Variants in MDGA2 observed in about 807,000 individuals in gnomAD.
The protein encoded by MDGA2 is MAM domain containing glycosylphosphatidylinositol anchor 2, also known as MAM domain-containing glycosylphosphatidylinositol anchor protein 2.
MDGA2 carries 40 observed loss-of-function variants against 117.8 expected under a neutral mutation model. That is an observed-to-expected ratio of 0.34 (90% CI 0.26 to 0.44). The LOEUF is 0.44. MDGA2 is among the 20% of genes least tolerant of loss of function. MDGA2 has a pLI of 1.00. For missense variants in MDGA2, 1,123 were observed against 1,250.6 expected, an observed-to-expected ratio of 0.90 and a Z score of 1.54; for synonymous variants, 452 against 439.0, an observed-to-expected ratio of 1.03 and a Z score of -0.37.
chr14:47,527,288 A>G (rs1204297989), intron 1 of MDGA2, among the ~76,000 whole-genome samples: 3 of 152,236 alleles, frequency 2.0e-5, no homozygotes, highest in African/African-American at 7.2e-5. Context: ...AAACTATAAA[A>G]AGAAACTAGA....
At chr14:47,585,966 A>C (rs773274443) in intron 1 of MDGA2, among the ~76,000 whole-genome samples, 8 of 151,918 alleles carry the variant, frequency 5.3e-5, no homozygotes, top group Non-Finnish European at 8.8e-5. Flanking sequence ...CAATTATTGC[A>C]GATGGGAGGA....
intron 3 of MDGA2, among the ~76,000 whole-genome samples, chr14:47,191,342 A>C (rs1885105710): frequency 6.6e-6 from 1 of 150,958 alleles, no homozygotes; most frequent in Non-Finnish European, 1.5e-5. Flanking sequence ...TCATTTTAAG[A>C]AAGCAAAAAT....
intron 14 of MDGA2, among the ~76,000 whole-genome samples, chr14:46,872,264 A>T (rs1324354815): frequency 6.6e-6 from 1 of 151,970 alleles, no homozygotes; most frequent in Non-Finnish European, 1.5e-5. Context: ...TTTACATCAC[A>T]TATATTTATA....
At chr14:47,368,263 C>A (rs1293396558) in intron 1 of MDGA2, among the ~76,000 whole-genome samples, 19 of 151,908 alleles carry the variant, frequency 1.3e-4, no homozygotes, top group Admixed American at 1.2e-3. Context: ...GCCTGGGCAA[C>A]AGAACCAAAC....
At chr14:47,632,472 T>A (rs977563935) in intron 1 of MDGA2, among the ~76,000 whole-genome samples, 3 of 152,174 alleles carry the variant, frequency 2.0e-5, no homozygotes, top group African/African-American at 7.2e-5. Context: ...TCTACTCCAA[T>A]ACACAAATGG....
At chr14:47,625,212 TG>T (rs1267806439) in intron 1 of MDGA2, among the ~76,000 whole-genome samples, 6 of 152,276 alleles carry the variant, frequency 3.9e-5, no homozygotes, top group Admixed American at 2.0e-4. Flanking sequence ...TTTAGCATAC[TG>T]TAAGGGCCTC....
Position 47,476,823 on chromosome 14 carries a change from G to A in MDGA2, c.281-175273C>T, listed in dbSNP as rs150566418. 1.4e-4 allele frequency among the ~76,000 whole-genome samples: 21 copies of A among 152,268 alleles called. No homozygotes were observed. In the East Asian group the frequency reaches 3.5e-3, roughly 25 times the overall value. On this transcript the variant is annotated intron_variant, in intron 1 of 16. Transcript: ENST00000399232. ...ACTGAAAGCCAGTTCTGACATCAAC[G>A]ATCTTCTAAATCTCTTTAATATTCA...
intron 7 of MDGA2, among the ~76,000 whole-genome samples, chr14:47,059,589 G>C (rs1217590362): frequency 6.6e-6 from 1 of 151,968 alleles, no homozygotes; most frequent in Admixed American, 6.6e-5. Flanking sequence ...GGCTCGTTTT[G>C]TGAGCCCTGT....
At chr14:46,932,273 C>G (rs1404943940) in intron 9 of MDGA2, among the ~76,000 whole-genome samples, 3 of 151,770 alleles carry the variant, frequency 2.0e-5, no homozygotes, top group Admixed American at 1.3e-4. Flanking sequence ...AAAGGAAGAT[C>G]TTTAGACTTG....
intron 8 of MDGA2, among the ~76,000 whole-genome samples, chr14:46,960,161 T>C (rs1885738128): frequency 6.6e-6 from 1 of 151,894 alleles, no homozygotes; most frequent in Non-Finnish European, 1.5e-5. Flanking sequence ...GCAGAGGTTG[T>C]GGTGAGCCGA....
At chr14:47,399,879 A>G (rs1355353570) in intron 1 of MDGA2, among the ~76,000 whole-genome samples, 1 of 152,188 alleles carries the variant, frequency 6.6e-6, no homozygotes, top group African/African-American at 2.4e-5. Flanking sequence ...ATGTGGTCAG[A>G]GAAGGTATCT....
intron 9 of MDGA2, among the ~76,000 whole-genome samples, chr14:46,921,206 A>AT (rs910586705): frequency 1.3e-5 from 2 of 152,154 alleles, no homozygotes; most frequent in South Asian, 2.1e-4. Flanking sequence ...AATTAATTAC[A>AT]TTTTTTTTCC....
intron 9 of MDGA2, among the ~76,000 whole-genome samples, chr14:46,940,504 T>G (rs999017027): frequency 6.6e-6 from 1 of 151,636 alleles, no homozygotes; most frequent in Admixed American, 6.6e-5. Flanking sequence ...GGCGGGCGCC[T>G]GTAATCCCAG....
intron 1 of MDGA2, among the ~76,000 whole-genome samples, chr14:47,474,290 T>C (rs1893790076): frequency 6.6e-6 from 1 of 152,116 alleles, no homozygotes; most frequent in South Asian, 2.1e-4. Context: ...CTGAAGGACA[T>C]CTTCAAGAAG....
intron 1 of MDGA2, among the ~76,000 whole-genome samples, chr14:47,332,071 C>T (rs1890308738): frequency 6.6e-6 from 1 of 152,000 alleles, no homozygotes; most frequent in African/African-American, 2.4e-5. Context: ...TGTCTATGCA[C>T]ACAAAATAAT....
intron 1 of MDGA2, among the ~76,000 whole-genome samples, chr14:47,571,442 G>A (rs1241860331): frequency 6.6e-6 from 1 of 152,122 alleles, no homozygotes; most frequent in East Asian, 1.9e-4. Flanking sequence ...CTACTATAAA[G>A]TCACATGCAC....
intron 1 of MDGA2, among the ~76,000 whole-genome samples, chr14:47,401,455 C>T (rs1192338348): frequency 6.6e-6 from 1 of 152,086 alleles, no homozygotes; most frequent in Admixed American, 6.5e-5. Flanking sequence ...GATAATGTAG[C>T]CTAATTATGT....
chr14:46,956,834 G>A (rs1270724251), intron 9 of MDGA2, among the ~76,000 whole-genome samples: 2 of 152,076 alleles, frequency 1.3e-5, no homozygotes, highest in African/African-American at 4.8e-5. Flanking sequence ...GGATCATGGG[G>A]GTGGATTTCC....
chr14:47,595,302 A>G (rs1053914074), intron 1 of MDGA2, among the ~76,000 whole-genome samples: 1 of 152,098 alleles, frequency 6.6e-6, no homozygotes, highest in Admixed American at 6.6e-5. Context: ...TGGGAGGCCA[A>G]GGCGGGCAGA....
Sources: allele counts gnomAD v4.1 joint callset (sites outside exome capture counted in the v4.1 genomes callset), GRCh38; gene constraint gnomAD v4.1.1; transcripts MANE v1.5; gene names NCBI Gene and HGNC (gene_info 2026-07-23, HGNC 2026-07-21).